SGCZ: variants seen among roughly 807,000 people sequenced by gnomAD.
SGCZ encodes the protein sarcoglycan zeta.
Under a neutral mutation model 41.3 loss-of-function variants are expected in SGCZ, and 40 were observed. That is an observed-to-expected ratio of 0.97 (90% CI 0.75 to 1.26). The LOEUF (loss-of-function observed/expected upper bound fraction) is 1.26, where lower values mean the gene tolerates loss of function less well. SGCZ is among the 50% of genes most tolerant of loss of function. SGCZ has a pLI of 0.00. For synonymous variants in SGCZ, 206 were observed against 137.5 expected (o/e 1.50, Z -3.49); for missense variants, 552 against 369.8 (o/e 1.49, Z -4.04).
intron 2 of SGCZ, among the ~76,000 whole-genome samples, chr8:14,448,074 T>C (rs1800484472): frequency 6.6e-6 from 1 of 151,938 alleles, no homozygotes; most frequent in African/African-American, 2.4e-5. Flanking sequence ...TAAATGAAAA[T>C]TGGAATTTTC....
intron 1 of SGCZ, 47 bp from the exon 2 acceptor site, chr8:14,554,973 G>T: frequency 6.9e-7 from 1 of 1,447,594 alleles, no homozygotes; most frequent in Non-Finnish European, 9.2e-7. Context: ...AAAAAAAGAA[G>T]CATTAAAAAA....
At chr8:14,363,132 T>C (rs1375286794) in intron 2 of SGCZ, among the ~76,000 whole-genome samples, 2 of 152,322 alleles carry the variant, frequency 1.3e-5, no homozygotes, top group East Asian at 3.9e-4. Flanking sequence ...AATCATCCTT[T>C]GCCTTTCTAC....
chr8:14,478,913 C>G (rs1052685991), intron 2 of SGCZ, among the ~76,000 whole-genome samples: 5 of 152,110 alleles, frequency 3.3e-5, no homozygotes, highest in Admixed American at 3.3e-4. Context: ...GCTCACCTTC[C>G]TGTATCTACA....
At chr8:14,788,429 A>G (rs191139600) in intron 1 of SGCZ, among the ~76,000 whole-genome samples, 69 of 152,308 alleles carry the variant, frequency 4.5e-4, no homozygotes, top group African/African-American at 1.5e-3. Flanking sequence ...GTGGAAATCA[A>G]ATGACACAAA....
intron 2 of SGCZ, among the ~76,000 whole-genome samples, chr8:14,481,339 T>C (rs28538505): frequency 0.04 from 6,153 of 152,186 alleles, 312 homozygotes; most frequent in African/African-American, 0.12. Flanking sequence ...ACATGACTTA[T>C]AAGTAATGAG....
At chr8:14,714,705 G>A (rs964361832) in intron 1 of SGCZ, among the ~76,000 whole-genome samples, 1 of 151,520 alleles carries the variant, frequency 6.6e-6, no homozygotes, top group Non-Finnish European at 1.5e-5. Context: ...ACATAATCAG[G>A]AAAATAAATC....
intron 2 of SGCZ, among the ~76,000 whole-genome samples, chr8:14,448,855 T>A (rs1176643984): frequency 6.6e-6 from 1 of 152,184 alleles, no homozygotes; most frequent in African/African-American, 2.4e-5. Flanking sequence ...ATATCTACAC[T>A]GACATAGCTG....
chr8:14,504,960 C>G (rs1802261967), intron 2 of SGCZ, among the ~76,000 whole-genome samples: 1 of 152,078 alleles, frequency 6.6e-6, no homozygotes, highest in Admixed American at 6.6e-5. Context: ...TTTATAATGT[C>G]TGAACTGTCT....
At chr8:14,424,657 C>T (rs769762129) in intron 2 of SGCZ, among the ~76,000 whole-genome samples, 5 of 151,954 alleles carry the variant, frequency 3.3e-5, no homozygotes, top group African/African-American at 4.8e-5. Context: ...ACATGCATGC[C>T]GTTATTTTCA....
At chr8:14,125,648 C>A (rs928735094) in intron 5 of SGCZ, among the ~76,000 whole-genome samples, 1 of 152,038 alleles carries the variant, frequency 6.6e-6, no homozygotes, top group Non-Finnish European at 1.5e-5. Context: ...CATATGCAAC[C>A]AGAAAAGAAC....
At chr8:15,046,396 T>C (rs1214778693) in intron 1 of SGCZ, among the ~76,000 whole-genome samples, 2 of 152,092 alleles carry the variant, frequency 1.3e-5, no homozygotes, top group Non-Finnish European at 2.9e-5. Context: ...TATTCACTTA[T>C]ATCAACACAA....
chr8:14,835,838 A>G (rs753029271), intron 1 of SGCZ, among the ~76,000 whole-genome samples: 1 of 152,228 alleles, frequency 6.6e-6, no homozygotes, highest in Non-Finnish European at 1.5e-5. Context: ...TTTTCAGTAG[A>G]AACAATCATT....
At chr8:14,548,850 T>C (rs1437494181) in intron 2 of SGCZ, among the ~76,000 whole-genome samples, 1 of 152,144 alleles carries the variant, frequency 6.6e-6, no homozygotes, top group South Asian at 2.1e-4. Context: ...TTCTATTCCA[T>C]TGATTTCAAT....
chr8:14,129,916 A>C (rs1585161626), intron 5 of SGCZ, among the ~76,000 whole-genome samples: 2 of 152,312 alleles, frequency 1.3e-5, no homozygotes, highest in Admixed American at 1.3e-4. Context: ...GTGTTATCGC[A>C]AGTATTCTTC....
chr8:14,482,495 T>C (rs2117007865), intron 2 of SGCZ, among the ~76,000 whole-genome samples: 1 of 152,318 alleles, frequency 6.6e-6, no homozygotes, highest in South Asian at 2.1e-4. Flanking sequence ...TTTTGTTTTC[T>C]TATCTGTTAA....
intron 3 of SGCZ, among the ~76,000 whole-genome samples, chr8:14,313,099 G>C (rs959796924): frequency 6.6e-6 from 1 of 152,124 alleles, no homozygotes; most frequent in Admixed American, 6.6e-5. Context: ...ACTACTTCGA[G>C]CCAAGTTCTC....
chr8:14,190,014 C>CTTTCTTTTTTTT (rs757923069), intron 4 of SGCZ, among the ~76,000 whole-genome samples: 2 of 100,202 alleles, frequency 2.0e-5, no homozygotes, highest in South Asian at 3.1e-4. Context: ...TTCTTTCTTT[C>CTTTCTTTTTTTT]TTTTTTTTTT....
At chr8:14,421,359 G>C (rs909537201) in intron 2 of SGCZ, among the ~76,000 whole-genome samples, 2 of 151,900 alleles carry the variant, frequency 1.3e-5, no homozygotes, top group African/African-American at 4.8e-5. Context: ...AATTTTACTA[G>C]AAGTCCCCAT....
rs558963257 is a variant in SGCZ, at chr8:14,098,812, C to A, written c.744+3564G>T. On this transcript the variant is annotated intron_variant, in intron 7 of 7. Coordinates refer to ENST00000382080, the MANE Select transcript of SGCZ (RefSeq NM_139167.4). Reference sequence around the variant, plus strand: ...AGTAAGTAAGGATTGCAGGTGACAGCCTTAGAATCAAGCATGAGCTATGGA... The same window carrying A: ...AGTAAGTAAGGATTGCAGGTGACAGACTTAGAATCAAGCATGAGCTATGGA... 3.9e-5 allele frequency among the ~76,000 whole-genome samples: 6 copies of A among 152,158 alleles called. 1 individual carries two copies. In the South Asian group the frequency reaches 1.2e-3, roughly 32 times the overall value.
Sources: allele counts gnomAD v4.1 joint callset (sites outside exome capture counted in the v4.1 genomes callset), GRCh38; gene constraint gnomAD v4.1.1; transcripts MANE v1.5; gene names NCBI Gene and HGNC (gene_info 2026-07-23, HGNC 2026-07-21).